INTS9: variants seen among roughly 807,000 people sequenced by gnomAD.
INTS9 encodes integrator complex subunit 9.
INTS9 carries 55 observed loss-of-function variants against 79.7 expected under a neutral mutation model. The ratio of observed to expected loss-of-function variants is 0.69; its 90% CI spans 0.56 to 0.86. The LOEUF (loss-of-function observed/expected upper bound fraction) is 0.86, where lower values mean the gene tolerates loss of function less well. Among genes scored for constraint, INTS9 ranks in the 40% least tolerant of loss-of-function variants. The pLI is 0.00. For synonymous variants in INTS9, 319 were observed against 325.2 expected (o/e 0.98, Z 0.20); for missense variants, 721 against 831.5 (o/e 0.87, Z 1.64).
At chr8:28,773,745 C>T (rs890468581) in intron 14 of INTS9, among the ~76,000 whole-genome samples, 1 of 151,950 alleles carries the variant, frequency 6.6e-6, no homozygotes, top group African/African-American at 2.4e-5. Context: ...TGGTCTTGAA[C>T]TCGTGACCTT....
chr8:28,878,573 T>TGG (rs1351768985), intron 1 of INTS9, among the ~76,000 whole-genome samples: 3 of 151,054 alleles, frequency 2.0e-5, no homozygotes, highest in Non-Finnish European at 4.4e-5. Context: ...CCTCCTGCCT[T>TGG]GGCCTCCCAA....
At chr8:28,796,772 C>T in intron 8 of INTS9, 117 bp from the exon 9 acceptor site, 1 of 698,272 alleles carries the variant, frequency 1.4e-6, no homozygotes. Flanking sequence ...TCATCGAGTT[C>T]TCTTATGTTC....
At chr8:28,851,701 T>C (rs1807847913) in intron 2 of INTS9, among the ~76,000 whole-genome samples, 1 of 151,996 alleles carries the variant, frequency 6.6e-6, no homozygotes, top group Non-Finnish European at 1.5e-5. Context: ...CCTCCCAAAG[T>C]GCTGGGATTA....
At chr8:28,804,271 A>AG (rs1256561444) in intron 8 of INTS9, among the ~76,000 whole-genome samples, 1 of 152,236 alleles carries the variant, frequency 6.6e-6, no homozygotes, top group Non-Finnish European at 1.5e-5. Flanking sequence ...CTCAGAAGCA[A>AG]GGGCAGCTGA....
rs77369862 is a variant in INTS9, at chr8:28,804,260, G to A, written c.745-7605C>T. Among the ~76,000 whole-genome samples, 143 of 152,282 alleles carry A rather than the reference G, an allele frequency of 9.4e-4. 1 individual carries two copies. Among genetic ancestry groups the A allele is most frequent in the East Asian group, 3.7e-3 (19 of 5,188 alleles). On this transcript the variant is annotated intron_variant, in intron 8 of 16. Coordinates refer to ENST00000521022, the MANE Select transcript of INTS9 (RefSeq NM_018250.4). ...GAATCTAAACTGAGAGGACAGAGAC[G>A]CTCAGAAGCAAGGGCAGCTGACAAA... is the stretch of plus-strand genomic sequence containing the variant.
chr8:28,820,307 T>C (rs1427148708), intron 6 of INTS9, among the ~76,000 whole-genome samples: 1 of 152,118 alleles, frequency 6.6e-6, no homozygotes, highest in Non-Finnish European at 1.5e-5. Flanking sequence ...TTCCTTTCCA[T>C]GTTTAGTGCT....
At chr8:28,787,797 C>A (rs1803698783) in intron 11 of INTS9, 32 bp downstream of exon 11, 1 of 1,536,514 alleles carries the variant, frequency 6.5e-7, no homozygotes, top group African/African-American at 1.4e-5. Context: ...ACATTGCTTC[C>A]TTCCCATGTC....
rs892975949 is a variant in INTS9 at position 28,870,624 on chromosome 8, C to A, written c.10-11061G>T. On this transcript the variant is annotated intron_variant, in intron 1 of 16. Transcript: ENST00000521022. ...ATATGCTTTCTTTTCTCTCTTCAAA[C>A]CACATATAAATGCAATGGTTCAAGT... 1.1e-4 allele frequency among the ~76,000 whole-genome samples: 17 copies of A among 152,152 alleles called. 1 individual carries two copies. Among genetic ancestry groups the A allele is most frequent in the Middle Eastern group, 3.4e-3 (1 of 294 alleles).
chr8:28,813,586 G>C lies in INTS9; in HGVS notation c.515C>G (p.Ala172Gly). Residue 172 changes from alanine (A) to glycine (G), a missense_variant, in exon 7 of 17, where the codon GCA becomes GGA. Coordinates refer to ENST00000521022, the MANE Select transcript of INTS9 (RefSeq NM_018250.4). ...TCTTCTCCAGGTTGAGACTTCCACT[G>C]CATCCTTGAGAGGAGAAGGTAACAG... is the stretch of plus-strand genomic sequence containing the variant. ...QRLLPSPLKDAVEVSTWRRCY... is the reference protein window; with the variant it reads ...QRLLPSPLKDGVEVSTWRRCY... 1 of 1,613,522 alleles carries C rather than the reference G, an allele frequency of 6.2e-7. No homozygotes were observed. Among genetic ancestry groups the C allele is most frequent in the Non-Finnish European group, 8.5e-7 (1 of 1,179,510 alleles).
rs1027476851 is a variant in INTS9 at position 28,814,068 on chromosome 8, T to C, written c.489-456A>G. 2.5e-4 allele frequency among the ~76,000 whole-genome samples: 38 copies of C among 149,752 alleles called. 1 individual carries two copies. The highest frequency in any genetic ancestry group is 9.3e-4 in the African/African-American group (37 of 39,752). On this transcript the variant is annotated intron_variant, in intron 6 of 16. Transcript: ENST00000521022. Reference sequence around the variant, plus strand: ...GCCACCGTGCTCAGCCATTTCTTTTTTTAAAAAAAAAAAAAAAATAGAGAC... The same window carrying C: ...GCCACCGTGCTCAGCCATTTCTTTTCTTAAAAAAAAAAAAAAAATAGAGAC...
intron 10 of INTS9, among the ~76,000 whole-genome samples, chr8:28,792,417 T>G (rs1043957863): frequency 3.9e-5 from 6 of 151,934 alleles, no homozygotes; most frequent in Non-Finnish European, 8.8e-5. Flanking sequence ...TTTCTAAACA[T>G]AGTATCAACA....
chr8:28,887,197 G>A (rs746300091), intron 1 of INTS9, among the ~76,000 whole-genome samples: 5 of 152,198 alleles, frequency 3.3e-5, no homozygotes, highest in Admixed American at 6.5e-5. Context: ...AAAAAAGAGT[G>A]AGGCAGGCAA....
chr8:28,808,266 T>C (rs1804924006), intron 8 of INTS9, among the ~76,000 whole-genome samples: 1 of 151,266 alleles, frequency 6.6e-6, no homozygotes, highest in Non-Finnish European at 1.5e-5. Flanking sequence ...CGATCTCGGC[T>C]CACTGCAACC....
intron 1 of INTS9, among the ~76,000 whole-genome samples, chr8:28,884,973 C>T (rs779650365): frequency 4.6e-5 from 7 of 152,192 alleles, no homozygotes; most frequent in Non-Finnish European, 1.0e-4. Context: ...ATTAACCACG[C>T]CCCTTTCTAA....
Position 28,793,947 on chromosome 8 carries a change from G to A in INTS9, c.897C>T (p.Cys299=), listed in dbSNP as rs756613918. The stretch of plus-strand genomic sequence containing the variant: ...GGTCATAGATCACTCCAGAAGGGTA[G>A]CAGGGAACCAACACGTTTCCTCCAT... ...VRNGGNVLVP[C]YPSGVIYDLL... The change falls in exon 10 of 17, where the codon TGC becomes TGT. Residue 299 remains cysteine (C), a synonymous_variant. Coordinates refer to ENST00000521022, the MANE Select transcript of INTS9 (RefSeq NM_018250.4). The A allele has an allele frequency of 1.2e-6, 2 of 1,609,698 alleles. No individual in the cohort carries two copies. Among genetic ancestry groups the A allele is most frequent in the Admixed American group, 3.4e-5 (2 of 59,526 alleles).
intron 10 of INTS9, among the ~76,000 whole-genome samples, chr8:28,789,767 A>G (rs241183): frequency 0.53 from 80,351 of 151,914 alleles, 23,233 homozygotes; most frequent in Non-Finnish European, 0.66. Context: ...AGTCCCAGGT[A>G]CTCAGGAGGC....
chr8:28,872,065 C>T (rs1478104625), intron 1 of INTS9, among the ~76,000 whole-genome samples: 2 of 152,180 alleles, frequency 1.3e-5, no homozygotes, highest in Non-Finnish European at 2.9e-5. Flanking sequence ...CCAGTCCATA[C>T]ATTGGCAAAG....
In INTS9 at chr8:28,772,801, C is replaced by T. The variant is rs543105791; in HGVS notation, c.1564-1721G>A. ...CAGCCTGGGCAACACAGCGAGACTCCGTCTCAAAAAAAGAAAAAAAAAGAC... is the reference window on the plus strand; with the variant it reads ...CAGCCTGGGCAACACAGCGAGACTCTGTCTCAAAAAAAGAAAAAAAAAGAC... On this transcript the variant is annotated intron_variant, in intron 14 of 16. Coordinates refer to ENST00000521022, the MANE Select transcript of INTS9 (RefSeq NM_018250.4). 9.9e-3 allele frequency among the ~76,000 whole-genome samples: 1,423 copies of T among 143,798 alleles called. 27 individuals are homozygous for T. Among genetic ancestry groups the T allele is most frequent in the African/African-American group, 0.034 (1,358 of 39,472 alleles). The allele number at this position is 143,798 out of a possible 152,430, so 94.3% of individuals were successfully genotyped here.
intron 1 of INTS9, among the ~76,000 whole-genome samples, chr8:28,871,149 G>C (rs749695603): frequency 2.9e-4 from 44 of 152,264 alleles, no homozygotes; most frequent in Non-Finnish European, 5.6e-4. Context: ...AGTCAGCAAA[G>C]GAAAGAGCTT....
Sources: allele counts gnomAD v4.1 joint callset (sites outside exome capture counted in the v4.1 genomes callset), GRCh38; gene constraint gnomAD v4.1.1; transcripts MANE v1.5; gene names NCBI Gene and HGNC (gene_info 2026-07-23, HGNC 2026-07-21).